Variants in PLPP1 observed in about 807,000 individuals in gnomAD.
PLPP1 encodes the protein phospholipid phosphatase 1, also known as lipid phosphate phosphohydrolase 1a.
In PLPP1, 24 loss-of-function variants were observed where a neutral mutation model predicts 31.2. That is an observed-to-expected ratio of 0.77 (90% CI 0.56 to 1.08). The LOEUF is 1.08. Among genes scored for constraint, PLPP1 ranks in the 50% least tolerant of loss-of-function variants. PLPP1 has a pLI of 0.00. For synonymous variants in PLPP1, 146 were observed against 126.3 expected (o/e 1.16, Z -1.05); for missense variants, 319 against 342.7 (o/e 0.93, Z 0.55).
chr5:55,511,472 T>C (rs1204467916), intron 1 of PLPP1, among the ~76,000 whole-genome samples: 1 of 152,062 alleles, frequency 6.6e-6, no homozygotes, highest in African/African-American at 2.4e-5. Flanking sequence ...CACAAGTTTT[T>C]TTTTCTTTTA....
intron 1 of PLPP1, among the ~76,000 whole-genome samples, chr5:55,520,852 A>C (rs959245839): frequency 1.5e-4 from 23 of 152,260 alleles, no homozygotes; most frequent in African/African-American, 4.6e-4. Context: ...TAATGTGCCC[A>C]AAAGTTTACA....
intron 1 of PLPP1, among the ~76,000 whole-genome samples, chr5:55,498,617 G>A (rs1753053044): frequency 6.6e-6 from 1 of 151,532 alleles, no homozygotes; most frequent in East Asian, 1.9e-4. Context: ...ATAATCTTAT[G>A]TAACCATAAA....
chr5:55,457,755 G>A (rs1752051840), intron 3 of PLPP1, among the ~76,000 whole-genome samples: 3 of 152,076 alleles, frequency 2.0e-5, no homozygotes, highest in Admixed American at 6.6e-5. Flanking sequence ...TGGACGTGGT[G>A]GCGGGCGCCT....
At position 55,497,420 on chromosome 5, in the gene PLPP1, T is replaced by TC. The variant is rs1329959309; in HGVS notation, c.59-21971_59-21970insG. Among the ~76,000 whole-genome samples, 11 of 138,344 alleles carry TC rather than the reference T, an allele frequency of 8.0e-5. No individual in the cohort carries two copies. In the East Asian group the frequency reaches 1.0e-3, roughly 13 times the overall value. 90.8% of individuals were successfully genotyped at this position (138,344 alleles called of 152,430 possible). A position where few individuals can be genotyped will look rare whatever the true frequency, so the allele number is the denominator to read the frequency against. ...GCTACCATTCCTGGCTAATTTTTTC[T>TC]TTTTTTTTTTTTGGTAGGGACAGAG... On this transcript the variant is annotated intron_variant, in intron 1 of 5. Transcript: ENST00000307259.
chr5:55,525,568 T>C (rs1740400107), intron 1 of PLPP1, among the ~76,000 whole-genome samples: 1 of 152,184 alleles, frequency 6.6e-6, no homozygotes, highest in Non-Finnish European at 1.5e-5. Context: ...ACTCTGGGGC[T>C]CAAGAGATCC....
At position 55,492,565 on chromosome 5, in the gene PLPP1, A is replaced by G. The variant is rs76274637; in HGVS notation, c.59-17115T>C. On this transcript the variant is annotated intron_variant, in intron 1 of 5. Transcript: ENST00000307259. ...AAGGTGAAATGACAGGTAAAACACA[A>G]GCAATAGGGAGGAGCACAGGGAGAC... Among the ~76,000 whole-genome samples the G allele has an allele frequency of 6.4e-3, 970 of 152,298 alleles. 15 individuals carry two copies. The highest frequency in any genetic ancestry group is 0.021 in the African/African-American group (864 of 41,566).
intron 3 of PLPP1, among the ~76,000 whole-genome samples, chr5:55,459,678 A>G (rs1752108512): frequency 1.3e-5 from 2 of 152,238 alleles, no homozygotes; most frequent in African/African-American, 4.8e-5. Context: ...TCCACAGATC[A>G]AAGAGGAAGA....
intron 4 of PLPP1, among the ~76,000 whole-genome samples, chr5:55,440,582 G>A (rs1469278185): frequency 6.6e-6 from 1 of 152,038 alleles, no homozygotes; most frequent in Non-Finnish European, 1.5e-5. Context: ...CCTAAATTCT[G>A]CTGAATCATA....
chr5:55,447,586 C>CAT (rs10670867), intron 3 of PLPP1, among the ~76,000 whole-genome samples: 132,164 of 152,024 alleles, frequency 0.87, 57,705 homozygotes, highest in South Asian at 0.92. Context: ...CGAAAAGTCA[C>CAT]GTCTCTGCAG....
chr5:55,453,400 G>T (rs1377015569), intron 3 of PLPP1, among the ~76,000 whole-genome samples: 1 of 152,140 alleles, frequency 6.6e-6, no homozygotes, highest in Non-Finnish European at 1.5e-5. Flanking sequence ...GGAGCATTAG[G>T]AAGTCCAGTT....
At chr5:55,509,064 T>G (rs1753348985) in intron 1 of PLPP1, 1 of 152,204 alleles carries the variant, frequency 6.6e-6, no homozygotes, top group Non-Finnish European at 1.5e-5. Flanking sequence ...AAAAACAGGA[T>G]GATTTCACTA....
intron 1 of PLPP1, among the ~76,000 whole-genome samples, chr5:55,532,814 G>A (rs1311087192): frequency 4.6e-5 from 7 of 151,804 alleles, no homozygotes; most frequent in South Asian, 2.1e-4. Flanking sequence ...AAAGTTAGCC[G>A]GGCATGGTGG....
intron 1 of PLPP1, among the ~76,000 whole-genome samples, chr5:55,497,680 C>T (rs1198406529): frequency 6.6e-6 from 1 of 152,116 alleles, no homozygotes; most frequent in East Asian, 1.9e-4. Flanking sequence ...AAACAGATAG[C>T]ACCCCCAAAC....
At chr5:55,430,556 C>T (rs1184560326) in intron 4 of PLPP1, among the ~76,000 whole-genome samples, 6 of 152,196 alleles carry the variant, frequency 3.9e-5, no homozygotes, top group African/African-American at 9.7e-5. Context: ...GTGATCTACC[C>T]GACCAACACC....
At chr5:55,452,532 C>T (rs1048038308) in intron 3 of PLPP1, among the ~76,000 whole-genome samples, 1 of 152,200 alleles carries the variant, frequency 6.6e-6, no homozygotes, top group African/African-American at 2.4e-5. Flanking sequence ...CAATGCAAAA[C>T]AGTGTAATAC....
chr5:55,490,731 A>G (rs1009380511), intron 1 of PLPP1, among the ~76,000 whole-genome samples: 6 of 152,166 alleles, frequency 3.9e-5, no homozygotes, highest in African/African-American at 2.4e-5. Context: ...TTCAAAAATA[A>G]TCATTCTATC....
intron 3 of PLPP1, among the ~76,000 whole-genome samples, chr5:55,461,989 G>A (rs1464658756): frequency 2.6e-5 from 4 of 151,376 alleles, no homozygotes; most frequent in Non-Finnish European, 4.4e-5. Flanking sequence ...TTAACAAAAC[G>A]TATGCAAGAC....
intron 5 of PLPP1, 138 bp from the exon 6 acceptor site, chr5:55,425,472 A>T: frequency 1.3e-6 from 1 of 763,326 alleles, no homozygotes; most frequent in Non-Finnish European, 1.9e-6. Context: ...ATAAAAAATT[A>T]GAGACTAACT....
chr5:55,475,933 ATAG>A (rs1752539604), intron 1 of PLPP1, among the ~76,000 whole-genome samples: 2 of 151,982 alleles, frequency 1.3e-5, no homozygotes, highest in African/African-American at 4.8e-5. Flanking sequence ...TGTATTGTCT[ATAG>A]CAGGCTGAAA....
Sources: allele counts gnomAD v4.1 joint callset (sites outside exome capture counted in the v4.1 genomes callset), GRCh38; gene constraint gnomAD v4.1.1; transcripts MANE v1.5; gene names NCBI Gene and HGNC (gene_info 2026-07-23, HGNC 2026-07-21).